Variants in TRMO observed in about 807,000 individuals in gnomAD.
The protein encoded by TRMO is tRNA methyltransferase O.
In TRMO, 30 loss-of-function variants were observed where a neutral mutation model predicts 37.2. The observed-to-expected ratio is 0.81, with a 90% CI of 0.60 to 1.09. The LOEUF (loss-of-function observed/expected upper bound fraction) is 1.09. Ranked by LOEUF, TRMO falls within the 50% of genes least tolerant of loss-of-function variation. TRMO has a pLI of 0.00. For synonymous variants in TRMO, 239 were observed against 199.4 expected (o/e 1.20, Z -1.67); for missense variants, 552 against 549.5 (o/e 1.00, Z -0.05).
downstream of TRMO, among the ~76,000 whole-genome samples, chr9:97,901,571 C>G (rs556888639): frequency 6.6e-6 from 1 of 151,880 alleles, no homozygotes; most frequent in African/African-American, 2.4e-5. Context: ...TGTGTACATG[C>G]GTGTGTGTAC....
downstream of TRMO, among the ~76,000 whole-genome samples, chr9:97,899,667 C>T (rs1831123533): frequency 6.6e-6 from 1 of 152,154 alleles, no homozygotes; most frequent in South Asian, 2.1e-4. Context: ...AGGCAGACCA[C>T]TTGAGGCCAG....
the TRMO span, among the ~76,000 whole-genome samples, chr9:97,898,837 A>ATTTTTT: frequency 2.1e-5 from 1 of 47,620 alleles, no homozygotes. Flanking sequence ...ATATATATAT[A>ATTTTTT]CTTTTTTTTT....
chr9:97,907,719 A>C (rs1309857092), intron 4 of TRMO, among the ~76,000 whole-genome samples: 1 of 152,094 alleles, frequency 6.6e-6, no homozygotes, highest in East Asian at 1.9e-4. Flanking sequence ...TCAAAACTCA[A>C]GTCCTTACAA....
chr9:97,897,943 A>G, the TRMO span, among the ~76,000 whole-genome samples: 4 of 152,158 alleles, frequency 2.6e-5, no homozygotes, highest in African/African-American at 9.7e-5. Flanking sequence ...AACTCCTTGC[A>G]GCCTTGAACT....
At chr9:97,911,415 T>C (rs149986278) in intron 3 of TRMO, 587 of 153,018 alleles carry the variant, frequency 3.8e-3, no homozygotes, top group Non-Finnish European at 6.7e-3. Context: ...CCAGTCCTAC[T>C]ACGATGGCAA....
At chr9:97,898,354 G>C in the TRMO span, among the ~76,000 whole-genome samples, 1 of 152,010 alleles carries the variant, frequency 6.6e-6, no homozygotes, top group Non-Finnish European at 1.5e-5. Flanking sequence ...GTTTTTGTCT[G>C]AGATAGGGTC....
In TRMO at chr9:97,904,582, T is replaced by A. The variant is rs1470607910; in HGVS notation, c.*151A>T. On this transcript the variant is annotated 3_prime_UTR_variant, in exon 5 of 5. Coordinates refer to ENST00000375119, the MANE Select transcript of TRMO (RefSeq NM_016481.5). ...TTTGTTAAGTTTATTAATGTATACG[T>A]TTTTCAAATAAACATTTTGAACAGC... 10 of 1,484,824 alleles carry A rather than the reference T, an allele frequency of 6.7e-6. No homozygotes were observed. Among genetic ancestry groups the A allele is most frequent in the Non-Finnish European group, 8.9e-6 (10 of 1,123,240 alleles). The allele number at this position is 1,484,824 out of a possible 1,614,324, so 92.0% of individuals were successfully genotyped here. A position where few individuals can be genotyped will look rare whatever the true frequency, so the allele number is the denominator to read the frequency against.
chr9:97,903,342 T>C (rs7020644), downstream of TRMO, among the ~76,000 whole-genome samples: 77,612 of 152,092 alleles, frequency 0.51, 21,555 homozygotes, highest in East Asian at 0.83. Context: ...CAAAGGCAAT[T>C]ACAAATCAGT....
intron 4 of TRMO, among the ~76,000 whole-genome samples, chr9:97,906,033 G>A (rs985240383): frequency 3.9e-5 from 6 of 151,964 alleles, no homozygotes; most frequent in East Asian, 1.9e-4. Context: ...GTATGGTGGC[G>A]CACGCCTGTA....
At chr9:97,898,334 T>G in the TRMO span, among the ~76,000 whole-genome samples, 2 of 152,112 alleles carry the variant, frequency 1.3e-5, no homozygotes, top group Non-Finnish European at 2.9e-5. Flanking sequence ...ATCAGGAAAC[T>G]CAATTTTTTG....
intron 1 of TRMO, among the ~76,000 whole-genome samples, chr9:97,920,023 T>C (rs1826552586): frequency 6.6e-6 from 1 of 152,236 alleles, no homozygotes. Flanking sequence ...GGGATAATGC[T>C]ATGAAATATA....
intron 4 of TRMO, 63 bp downstream of exon 4, chr9:97,909,896 CA>C (rs1826028362): frequency 7.7e-7 from 1 of 1,291,782 alleles, no homozygotes; most frequent in Admixed American, 2.3e-5. Flanking sequence ...TCACAAATAC[CA>C]AACTTGGCTA....
chr9:97,916,420 G>T, intron 1 of TRMO, 82 bp from the exon 2 acceptor site: 1 of 948,924 alleles, frequency 1.1e-6, no homozygotes, highest in South Asian at 1.7e-5. Flanking sequence ...CTAATGCATT[G>T]GTTTCATAGT....
intron 1 of TRMO, among the ~76,000 whole-genome samples, chr9:97,919,025 A>G (rs1006208526): frequency 6.6e-6 from 1 of 152,186 alleles, no homozygotes; most frequent in African/African-American, 2.4e-5. Flanking sequence ...TTCTCTCTCA[A>G]TATTATGAGG....
intron 3 of TRMO, 112 bp downstream of exon 3, chr9:97,913,289 G>T: frequency 8.2e-7 from 1 of 1,213,212 alleles, no homozygotes; most frequent in South Asian, 1.2e-5. Flanking sequence ...TGGTTCTCAG[G>T]AGTTAACATC....
intron 4 of TRMO, among the ~76,000 whole-genome samples, chr9:97,908,223 T>C (rs1395710758): frequency 6.6e-6 from 1 of 152,074 alleles, no homozygotes; most frequent in Non-Finnish European, 1.5e-5. Context: ...CCATCCTGCC[T>C]AACACGGTGA....
At chr9:97,898,496 C>T in the TRMO span, among the ~76,000 whole-genome samples, 12 of 152,208 alleles carry the variant, frequency 7.9e-5, no homozygotes, top group East Asian at 1.7e-3. Flanking sequence ...TGAGCCACTA[C>T]ACCCCGTTTT....
downstream of TRMO, among the ~76,000 whole-genome samples, chr9:97,902,841 A>G (rs374158481): frequency 6.6e-6 from 1 of 152,262 alleles, no homozygotes; most frequent in African/African-American, 2.4e-5. Context: ...TTTAACGTTT[A>G]CTATAGTTAT....
At chr9:97,899,357 A>G in the TRMO span, among the ~76,000 whole-genome samples, 2 of 152,166 alleles carry the variant, frequency 1.3e-5, no homozygotes, top group Non-Finnish European at 2.9e-5. Flanking sequence ...TTTAGGGAGG[A>G]GCACTTTGTG....
Sources: gnomAD v4.1 joint callset for allele counts (sites outside exome capture counted in the v4.1 genomes callset) on GRCh38, gnomAD v4.1.1 for gene constraint, MANE v1.5 for transcripts, NCBI Gene and HGNC (gene_info 2026-07-23, HGNC 2026-07-21) for gene names.